Variants in HELZ observed in about 807,000 individuals in gnomAD.
HELZ encodes ATP-dependent RNA helicase with zinc finger domain.
A neutral mutation model predicts 218.2 loss-of-function variants in HELZ; 23 were observed. The ratio of observed to expected loss-of-function variants is 0.11; its 90% CI spans 0.08 to 0.15. The LOEUF (loss-of-function observed/expected upper bound fraction) is 0.15. Among genes scored for constraint, HELZ ranks in the 10% least tolerant of loss-of-function variants. The pLI is 1.00. For missense variants in HELZ, 1,813 were observed against 2,353.7 expected (o/e 0.77, Z 4.75); for synonymous variants, 814 against 829.4 (o/e 0.98, Z 0.32).
chr17:67,112,257 C>T (rs2037302027), intron 28 of HELZ, among the ~76,000 whole-genome samples: 1 of 152,196 alleles, frequency 6.6e-6, no homozygotes, highest in South Asian at 2.1e-4. Context: ...CAAAACATGT[C>T]TTCAGGTTGC....
intron 31 of HELZ, among the ~76,000 whole-genome samples, chr17:67,087,824 C>G (rs1387372181): frequency 6.6e-6 from 1 of 152,182 alleles, no homozygotes; most frequent in Non-Finnish European, 1.5e-5. Context: ...GCAGCCATGT[C>G]AAGATTTTTT....
intron 32 of HELZ, among the ~76,000 whole-genome samples, chr17:67,080,003 T>C (rs146823033): frequency 6.6e-6 from 1 of 152,354 alleles, no homozygotes; most frequent in Non-Finnish European, 1.5e-5. Flanking sequence ...GCTTCCACTT[T>C]GTCAGCAAAT....
In HELZ at chr17:67,076,215, T is replaced by G. The variant is rs141959000; in HGVS notation, c.*2037A>C. ...ATAATCACTGATGGGAAAATTATTT[T>G]CCATAACATCCTCACATCAGAGAGA... On this transcript the variant is annotated 3_prime_UTR_variant, in exon 33 of 33. Transcript: ENST00000358691. 6.6e-6 allele frequency: 1 copy of G among 152,386 alleles called. No individual in the cohort carries two copies. Among genetic ancestry groups the G allele is most frequent in the African/African-American group, 2.4e-5 (1 of 41,558 alleles). The allele number at this position is 152,386 out of a possible 1,614,324, so 9.4% of individuals were successfully genotyped here. A position where few individuals can be genotyped will look rare whatever the true frequency, so the allele number is the denominator to read the frequency against.
intron 12 of HELZ, among the ~76,000 whole-genome samples, chr17:67,183,464 A>G (rs1222904559): frequency 6.6e-6 from 1 of 152,220 alleles, no homozygotes; most frequent in Non-Finnish European, 1.5e-5. Context: ...GATATATAAT[A>G]TGTTCTTAAC....
chr17:67,192,999 A>G (rs1403020224), intron 9 of HELZ, among the ~76,000 whole-genome samples: 2 of 152,242 alleles, frequency 1.3e-5, no homozygotes, highest in African/African-American at 2.4e-5. Flanking sequence ...TACTTTTTAC[A>G]TAAAGTATTG....
At chr17:67,138,965 T>TA (rs557979872) in intron 21 of HELZ, among the ~76,000 whole-genome samples, 5 of 151,778 alleles carry the variant, frequency 3.3e-5, no homozygotes, top group East Asian at 1.9e-4. Flanking sequence ...AGAGTCATAA[T>TA]AAAAAAAATA....
Position 67,104,979 on chromosome 17 carries a change from C to A in HELZ, c.5241+2190G>T, listed in dbSNP as rs574409036. The stretch of plus-strand genomic sequence containing the variant: ...ACTAAAAATACAACAACAACAACAA[C>A]AAAATTAGCTGGGTGTGGTGGTGGG... On this transcript the variant is annotated intron_variant, in intron 31 of 32. Transcript: ENST00000358691. 2.0e-5 allele frequency among the ~76,000 whole-genome samples: 3 copies of A among 151,952 alleles called. No homozygotes were observed. In the South Asian group the frequency reaches 6.3e-4, roughly 32 times the overall value.
rs898912188 is a variant in HELZ, at chr17:67,076,059, T to C, written c.*2193A>G. On this transcript the variant is annotated 3_prime_UTR_variant, in exon 33 of 33. Coordinates refer to ENST00000358691, the MANE Select transcript of HELZ (RefSeq NM_014877.4). ...GATTCAAGTATAGAAAACAGAAAAT[T>C]AGGCAATAACCTCATGACAAGGGGT... 2 of 152,568 alleles carry C rather than the reference T, an allele frequency of 1.3e-5. No individual in the cohort carries two copies. The highest frequency in any genetic ancestry group is 6.5e-5 in the Admixed American group (1 of 15,274). The allele number at this position is 152,568 out of a possible 1,614,324, so 9.5% of individuals were successfully genotyped here. A position where few individuals can be genotyped will look rare whatever the true frequency, so the allele number is the denominator to read the frequency against.
chr17:67,195,570 T>A, intron 7 of HELZ, 100 bp from the exon 8 acceptor site: 3 of 687,886 alleles, frequency 4.4e-6, no homozygotes, highest in Non-Finnish European at 7.8e-6. Context: ...GAAGTTGGAA[T>A]ACTCAGAAAT....
At chr17:67,195,987 A>G (rs1249840473) in intron 7 of HELZ, among the ~76,000 whole-genome samples, 1 of 151,456 alleles carries the variant, frequency 6.6e-6, no homozygotes, top group African/African-American at 2.4e-5. Flanking sequence ...GAGTAGCTGG[A>G]ATTACAGATG....
chr17:67,139,158 G>A lies in HELZ; in HGVS notation c.2770-1044C>T, dbSNP rs185885050. Among the ~76,000 whole-genome samples the A allele has an allele frequency of 7.6e-4, 116 of 152,056 alleles. No homozygotes were observed. The East Asian group carries it at 0.014, about 18-fold the overall frequency. ...AATTTTCATCCTTTGAAAAACTTGA[G>A]GTTACTGACTACGAAGCAGTTCCCA... On this transcript the variant is annotated intron_variant, in intron 21 of 32. Transcript: ENST00000358691.
intron 13 of HELZ, among the ~76,000 whole-genome samples, chr17:67,169,641 T>C (rs779831688): frequency 1.3e-5 from 2 of 152,200 alleles, no homozygotes; most frequent in Non-Finnish European, 2.9e-5. Context: ...ATTCTGCCCA[T>C]AGCCTCCAAA....
At chr17:67,216,796 T>C (rs1225171721) in intron 4 of HELZ, among the ~76,000 whole-genome samples, 2 of 152,150 alleles carry the variant, frequency 1.3e-5, no homozygotes, top group Non-Finnish European at 2.9e-5. Context: ...CTGCTGACAC[T>C]ACTCCTCATT....
At chr17:67,089,523 G>C (rs943291996) in intron 31 of HELZ, among the ~76,000 whole-genome samples, 7 of 151,508 alleles carry the variant, frequency 4.6e-5, no homozygotes, top group Non-Finnish European at 1.0e-4. Context: ...AGATAAACAT[G>C]TAGATAAAAT....
intron 5 of HELZ, among the ~76,000 whole-genome samples, chr17:67,209,561 G>A (rs186746273): frequency 6.6e-6 from 1 of 152,176 alleles, no homozygotes; most frequent in African/African-American, 2.4e-5. Flanking sequence ...TCACACCATT[G>A]TATTCCAGCC....
intron 32 of HELZ, among the ~76,000 whole-genome samples, 184 bp downstream of exon 32, chr17:67,086,625 AATATAAATATATATATATAT>A (rs1281477468): frequency 2.6e-5 from 1 of 38,546 alleles, no homozygotes; most frequent in Non-Finnish European, 4.6e-5. Context: ...AATAAATATA[AATATAAATATATATATATAT>A]ATATATATAT....
At chr17:67,181,611 C>T (rs187580845) in intron 12 of HELZ, among the ~76,000 whole-genome samples, 13 of 151,904 alleles carry the variant, frequency 8.6e-5, no homozygotes, top group Admixed American at 3.9e-4. Context: ...AATTTCAAAA[C>T]AATTCTCCAA....
chr17:67,143,265 C>T (rs556519937), intron 21 of HELZ, among the ~76,000 whole-genome samples: 49 of 152,140 alleles, frequency 3.2e-4, no homozygotes, highest in Admixed American at 2.7e-3. Flanking sequence ...CACCATCTTA[C>T]GGTTATTATC....
intron 22 of HELZ, 102 bp downstream of exon 22, chr17:67,137,829 C>T (rs761794020): frequency 1.2e-6 from 1 of 835,742 alleles, no homozygotes; most frequent in African/African-American, 1.7e-5. Context: ...ATGAAATGAA[C>T]ACATAACTTC....
Sources: gnomAD v4.1 joint callset for allele counts (sites outside exome capture counted in the v4.1 genomes callset) on GRCh38, gnomAD v4.1.1 for gene constraint, MANE v1.5 for transcripts, NCBI Gene and HGNC (gene_info 2026-07-23, HGNC 2026-07-21) for gene names.